The following ARHGEF16 variants were observed in gnomAD, a reference collection of about 807,000 sequenced individuals.
ARHGEF16 encodes Rho guanine exchange factor (GEF) 16.
In ARHGEF16, 59 loss-of-function variants were observed where a neutral mutation model predicts 74.1. The observed-to-expected ratio is 0.80, with a 90% CI of 0.65 to 0.99. The LOEUF (loss-of-function observed/expected upper bound fraction) is 0.99, where lower values mean the gene tolerates loss of function less well. Among genes scored for constraint, ARHGEF16 ranks in the 50% least tolerant of loss-of-function variants. The pLI, the probability that ARHGEF16 is intolerant of heterozygous loss-of-function variation, is 0.00. For synonymous variants in ARHGEF16, 415 were observed against 412.6 expected, an observed-to-expected ratio of 1.01 and a Z score of -0.07; for missense variants, 948 against 986.6, an observed-to-expected ratio of 0.96 and a Z score of 0.52.
chr1:3,473,750 T>G (rs1639805724), intron 8 of ARHGEF16: 3 of 699,522 alleles, frequency 4.3e-6, no homozygotes, highest in Admixed American at 6.1e-5. Flanking sequence ...CTTGGCGGAT[T>G]TGTGTTCACT....
At chr1:3,466,609 G>A (rs1017777495) in intron 3 of ARHGEF16, among the ~76,000 whole-genome samples, 4 of 152,192 alleles carry the variant, frequency 2.6e-5, no homozygotes, top group African/African-American at 4.8e-5. Flanking sequence ...CATGGGTGGC[G>A]GTGGTGCACA....
rs1041217427 is a variant in ARHGEF16 at position 3,468,872 on chromosome 1, C to G, written c.805-8C>G. 1 of 1,549,876 alleles carries G rather than the reference C, an allele frequency of 6.5e-7. No homozygotes were observed. Among genetic ancestry groups the G allele is most frequent in the Non-Finnish European group, 8.7e-7 (1 of 1,146,498 alleles). The stretch of plus-strand genomic sequence containing the variant: ...TGACCGAGAGCTCCTGGGCCTGTGT[C>G]CCCCCAGGTGGTGGAATTGGGCATC... On this transcript the variant is annotated splice_polypyrimidine_tract_variant and splice_region_variant and intron_variant, in intron 4 of 14. Transcript: ENST00000378378.
In ARHGEF16 at chr1:3,478,412, G is replaced by C; in HGVS notation, c.1626-12G>C. ...GGTGGGACCGTCCCACCGACTGCCCGTGTCTCCACAGCGAGGAGAGCTACA... is the reference window on the plus strand; with the variant it reads ...GGTGGGACCGTCCCACCGACTGCCCCTGTCTCCACAGCGAGGAGAGCTACA... On this transcript the variant is annotated splice_polypyrimidine_tract_variant and intron_variant, in intron 11 of 14. Coordinates refer to ENST00000378378, the MANE Select transcript of ARHGEF16 (RefSeq NM_014448.4). 1.3e-6 allele frequency: 2 copies of C among 1,582,256 alleles called. No individual in the cohort carries two copies. The highest frequency in any genetic ancestry group is 1.7e-6 in the Non-Finnish European group (2 of 1,158,926).
chr1:3,470,835 G>GGT (rs1639694217), intron 6 of ARHGEF16, among the ~76,000 whole-genome samples: 1 of 147,592 alleles, frequency 6.8e-6, no homozygotes, highest in African/African-American at 2.5e-5. Context: ...TGTGGGCAGG[G>GGT]GTGTGTGTGC....
intron 4 of ARHGEF16, 132 bp downstream of exon 4, chr1:3,467,469 C>T (rs1316345003): frequency 8.7e-6 from 10 of 1,145,114 alleles, no homozygotes; most frequent in Non-Finnish European, 8.4e-6. Context: ...GGTGGGCAGC[C>T]TTCCCAGAAG....
chr1:3,457,572 G>C (rs1639293909), intron 1 of ARHGEF16, among the ~76,000 whole-genome samples: 1 of 151,986 alleles, frequency 6.6e-6, no homozygotes, highest in Admixed American at 6.5e-5. Flanking sequence ...TCTCCGGAAG[G>C]ATAAGGGGGC....
intron 4 of ARHGEF16, chr1:3,468,430 G>C: frequency 5.2e-6 from 1 of 191,988 alleles, no homozygotes; most frequent in South Asian, 1.0e-4. Flanking sequence ...CCGAGGAGGA[G>C]GGAGCCCGGG....
At chr1:3,466,225 G>C in intron 3 of ARHGEF16, 32 bp downstream of exon 3, 1 of 1,531,272 alleles carries the variant, frequency 6.5e-7, no homozygotes, top group Non-Finnish European at 8.8e-7. Flanking sequence ...ACCGCGGGCT[G>C]GGCTCCAGTT....
chr1:3,477,219 G>C (rs912329893), intron 10 of ARHGEF16, among the ~76,000 whole-genome samples: 2 of 57,596 alleles, frequency 3.5e-5, no homozygotes, highest in African/African-American at 7.0e-5. Context: ...GCTGAGGAGC[G>C]GGAGCTGGTG....
rs956193838 is a variant in ARHGEF16, at chr1:3,479,847, G to A, written c.1924G>A (p.Ala642Thr). The stretch of plus-strand genomic sequence containing the variant: ...GGTGGAGATCACCAAGGCCTTCTTC[G>A]CGAAGCAAGCAGACGAGGTCACACT... Reference protein sequence around the residue: ...PQVEITKAFFAKQADEVTLQQ... With the variant: ...PQVEITKAFFTKQADEVTLQQ... The change falls in exon 14 of 15, where the codon GCG becomes ACG. Residue 642 changes from alanine (A) to threonine (T), a missense_variant. Transcript: ENST00000378378. 22 of 1,612,156 alleles carry A rather than the reference G, an allele frequency of 1.4e-5. No individual in the cohort carries two copies. Among genetic ancestry groups the A allele is most frequent in the African/African-American group, 1.2e-4 (9 of 74,908 alleles).
Position 3,467,333 on chromosome 1 carries a change from C to G in ARHGEF16, c.800C>G (p.Pro267Arg). ...RPAQVTWSQL[P>R]EVVELGILDQ... Reference sequence around the variant, plus strand: ...GCCCAGGTCACCTGGAGCCAGCTCCCAGAGGTAGCGCCGGAGGGTGGGTGA... The same window carrying G: ...GCCCAGGTCACCTGGAGCCAGCTCCGAGAGGTAGCGCCGGAGGGTGGGTGA... Residue 267 changes from proline to arginine, a missense_variant, in exon 4 of 15, where the codon CCA becomes CGA. Physicochemically the swap from Pro to Arg is moderately radical, Grantham distance 103. Coordinates refer to ENST00000378378, the MANE Select transcript of ARHGEF16 (RefSeq NM_014448.4). 1 of 1,548,764 alleles carries G rather than the reference C, an allele frequency of 6.5e-7. No homozygotes were observed. The highest frequency in any genetic ancestry group is 8.7e-7 in the Non-Finnish European group (1 of 1,145,932).
chr1:3,477,296 C>A (rs1639907680), intron 10 of ARHGEF16, among the ~76,000 whole-genome samples: 1 of 142,052 alleles, frequency 7.0e-6, no homozygotes, highest in African/African-American at 2.6e-5. Flanking sequence ...CTGCGACACC[C>A]ATCCCCGTCA....
rs536810891 is a variant in ARHGEF16, at chr1:3,469,380, G to A, written c.862-53G>A. On this transcript the variant is annotated intron_variant, in intron 5 of 14. Coordinates refer to ENST00000378378, the MANE Select transcript of ARHGEF16 (RefSeq NM_014448.4). ...TCCTGTTCCAAGCATTGGTCACCGAGGCACGCCCGTGTCCAGCGTCACTGT... is the reference window on the plus strand; with the variant it reads ...TCCTGTTCCAAGCATTGGTCACCGAAGCACGCCCGTGTCCAGCGTCACTGT... The A allele has an allele frequency of 4.8e-5, 77 of 1,599,152 alleles. 1 individual carries two copies. In the South Asian group the frequency reaches 7.7e-4, roughly 16 times the overall value.
intron 2 of ARHGEF16, among the ~76,000 whole-genome samples, chr1:3,465,259 C>G (rs1482466522): frequency 1.3e-5 from 2 of 152,238 alleles, no homozygotes; most frequent in Non-Finnish European, 2.9e-5. Flanking sequence ...GCCTCCAGCG[C>G]AGGGAGAATG....
intron 12 of ARHGEF16, 100 bp from the exon 13 acceptor site, chr1:3,479,417 C>A: frequency 3.1e-5 from 40 of 1,298,642 alleles, no homozygotes; most frequent in East Asian, 5.1e-5. Flanking sequence ...CCACCCCCAT[C>A]TCCTTGCCAC....
chr1:3,479,500 C>G lies in ARHGEF16; in HGVS notation c.1815-17C>G, dbSNP rs759950652. The G allele has an allele frequency of 6.2e-7, 1 of 1,612,110 alleles. No homozygotes were observed. The highest frequency in any genetic ancestry group is 8.5e-7 in the Non-Finnish European group (1 of 1,179,594). On this transcript the variant is annotated splice_polypyrimidine_tract_variant and intron_variant, in intron 12 of 14. Transcript: ENST00000378378. ...GATCGGTCTCCAGGCCTGGCTCATG[C>G]TGTCTCTGGTCCCCAGGAGTGACCG...
Position 3,480,665 on chromosome 1 carries a change from G to A in ARHGEF16, c.*78G>A. 1.3e-6 allele frequency: 2 copies of A among 1,536,766 alleles called. No individual in the cohort carries two copies. Among genetic ancestry groups the A allele is most frequent in the Non-Finnish European group, 1.7e-6 (2 of 1,143,470 alleles). On this transcript the variant is annotated 3_prime_UTR_variant, in exon 15 of 15. Coordinates refer to ENST00000378378, the MANE Select transcript of ARHGEF16 (RefSeq NM_014448.4). ...TCGTGCCTGGCTCTAGAGAGCGTGGGGAGCTGGTCTCAAGGACCCAGCATG... is the reference window on the plus strand; with the variant it reads ...TCGTGCCTGGCTCTAGAGAGCGTGGAGAGCTGGTCTCAAGGACCCAGCATG...
chr1:3,468,248 C>G (rs1639603467), intron 4 of ARHGEF16, among the ~76,000 whole-genome samples: 1 of 152,206 alleles, frequency 6.6e-6, no homozygotes. Flanking sequence ...TCACCCTTGG[C>G]CCAGGCGCTG....
In ARHGEF16 at chr1:3,480,473, G is replaced by A. The variant is rs992694417; in HGVS notation, c.2016G>A (p.Arg672=). Reference sequence around the variant, plus strand: ...GGTGGCTCTATGGCGAGAGGCTCCGGGACGGAGAGACGGGATGGTTCCCCG... The same window carrying A: ...GGTGGCTCTATGGCGAGAGGCTCCGAGACGGAGAGACGGGATGGTTCCCCG... ...EDGWLYGERL[R]DGETGWFPED... is the part of the protein sequence containing the mutation. The change falls in exon 15 of 15, where the codon CGG becomes CGA. Residue 672 remains arginine (R), a synonymous_variant. Coordinates refer to ENST00000378378, the MANE Select transcript of ARHGEF16 (RefSeq NM_014448.4). 3.1e-6 allele frequency: 5 copies of A among 1,612,536 alleles called. No individual in the cohort carries two copies. Among genetic ancestry groups the A allele is most frequent in the African/African-American group, 2.7e-5 (2 of 74,956 alleles).
Sources: gnomAD v4.1 joint callset for allele counts (sites outside exome capture counted in the v4.1 genomes callset) on GRCh38, gnomAD v4.1.1 for gene constraint, MANE v1.5 for transcripts, NCBI Gene and HGNC (gene_info 2026-07-23, HGNC 2026-07-21) for gene names.